Variants in FAAH2 observed in about 807,000 individuals in gnomAD.
FAAH2 encodes the protein fatty acid amide hydrolase 2.
A neutral mutation model predicts 36.9 loss-of-function variants in FAAH2; 60 were observed. The observed-to-expected ratio is 1.63, with a 90% CI of 1.32 to 2.02. The LOEUF (loss-of-function observed/expected upper bound fraction) is 2.02, where lower values mean the gene tolerates loss of function less well. Ranked by LOEUF, FAAH2 falls within the 30% of genes most tolerant of loss-of-function variation. The pLI, the probability that FAAH2 is intolerant of heterozygous loss-of-function variation, is 0.00. For synonymous variants in FAAH2, 214 were observed against 143.8 expected (o/e 1.49, Z -3.49); for missense variants, 689 against 397.5 (o/e 1.73, Z -6.23).
the FAAH2 span, among the ~76,000 whole-genome samples, chrX:57,272,313 C>T: frequency 6.3e-5 from 7 of 110,946 alleles, no homozygotes; most frequent in Admixed American, 9.6e-5. Context: ...GAGAATGGAA[C>T]CAAGTTGGAA....
chrX:57,385,234 C>G (rs771550676), intron 7 of FAAH2, among the ~76,000 whole-genome samples: 2 of 99,058 alleles, frequency 2.0e-5, no homozygotes, highest in African/African-American at 7.6e-5. Flanking sequence ...ACATATGTAA[C>G]AAACCTGCAT....
Position 57,479,762 on chromosome X carries a change from G to A in FAAH2, c.1424-8995G>A, listed in dbSNP as rs149532754. ...GAGATAATCATGTGGTTTTTGTCTTGGTTCTGTTTATTTATTGATTTTCGT... is the reference window on the plus strand; with the variant it reads ...GAGATAATCATGTGGTTTTTGTCTTAGTTCTGTTTATTTATTGATTTTCGT... On this transcript the variant is annotated intron_variant, in intron 10 of 10. Transcript: ENST00000374900. Among the ~76,000 whole-genome samples the A allele has an allele frequency of 9.6e-3, 1,072 of 111,335 alleles. 5 individuals carry two copies. The highest frequency in any genetic ancestry group is 0.033 in the African/African-American group (1,016 of 30,672).
chrX:57,459,145 G>A (rs1389427834), intron 10 of FAAH2, among the ~76,000 whole-genome samples: 2 of 112,407 alleles, frequency 1.8e-5, no homozygotes, highest in Non-Finnish European at 3.8e-5. Context: ...TTGGTGGGGG[G>A]AGGGGCATCC....
the FAAH2 span, among the ~76,000 whole-genome samples, chrX:57,263,342 C>T: frequency 9.0e-6 from 1 of 111,514 alleles, no homozygotes; most frequent in Non-Finnish European, 1.9e-5. Flanking sequence ...TACAATACCA[C>T]TTAGAGTCAC....
At chrX:57,285,568 G>A (rs2051798009), upstream of FAAH2, among the ~76,000 whole-genome samples, 1 of 112,230 alleles carries the variant, frequency 8.9e-6, no homozygotes, top group East Asian at 2.8e-4. Flanking sequence ...CCAGTTGTAA[G>A]TTCAGGGAAG....
the FAAH2 span, among the ~76,000 whole-genome samples, chrX:57,199,422 T>C: frequency 5.4e-5 from 6 of 111,480 alleles, no homozygotes; most frequent in East Asian, 1.7e-3. Flanking sequence ...TTTTTAGCTT[T>C]ATCCCATTGT....
intron 5 of FAAH2, among the ~76,000 whole-genome samples, chrX:57,377,949 G>T (rs1042835411): frequency 9.0e-6 from 1 of 111,323 alleles, no homozygotes; most frequent in African/African-American, 3.3e-5. Flanking sequence ...TCTATTATTG[G>T]TATATTGGAA....
chrX:57,216,594 A>T, the FAAH2 span, among the ~76,000 whole-genome samples: 1 of 45,451 alleles, frequency 2.2e-5, no homozygotes, highest in Non-Finnish European at 3.9e-5. Flanking sequence ...ATATGTATAT[A>T]TATGTATATA....
At chrX:57,314,146 G>A (rs1215478823) in intron 3 of FAAH2, among the ~76,000 whole-genome samples, 1 of 111,414 alleles carries the variant, frequency 9.0e-6, no homozygotes, top group Admixed American at 9.5e-5. Context: ...ACAAAGAAGG[G>A]CATTATATAA....
intron 2 of FAAH2, among the ~76,000 whole-genome samples, chrX:57,309,275 A>G: frequency 9.0e-6 from 1 of 111,600 alleles, no homozygotes; most frequent in Non-Finnish European, 1.9e-5. Flanking sequence ...AACAACAAAA[A>G]ATTACCTATA....
the FAAH2 span, among the ~76,000 whole-genome samples, chrX:57,264,581 G>C: frequency 6.2e-5 from 7 of 112,652 alleles, no homozygotes; most frequent in East Asian, 2.0e-3. Context: ...TACACTGGTG[G>C]AGGTAGTGTA....
At chrX:57,187,996 C>G in the FAAH2 span, among the ~76,000 whole-genome samples, 1 of 111,369 alleles carries the variant, frequency 9.0e-6, no homozygotes, top group Non-Finnish European at 1.9e-5. Context: ...GCATCAGTGC[C>G]CAACAGGGAT....
chrX:57,478,531 C>T (rs146550422), intron 10 of FAAH2, among the ~76,000 whole-genome samples: 5 of 111,529 alleles, frequency 4.5e-5, no homozygotes, highest in Non-Finnish European at 7.5e-5. Context: ...GTTGTAATTG[C>T]TTTTGGTGTT....
chrX:57,447,066 C>T (rs902612867), intron 9 of FAAH2, 27 bp downstream of exon 9: 14 of 1,036,005 alleles, frequency 1.4e-5, no homozygotes, highest in African/African-American at 5.7e-5. Context: ...CTACCTAGAC[C>T]AGTTTGATGT....
intron 6 of FAAH2, among the ~76,000 whole-genome samples, chrX:57,379,785 C>A (rs1357792378): frequency 2.9e-5 from 3 of 102,059 alleles, no homozygotes; most frequent in African/African-American, 1.0e-4. Context: ...GTTTTTACCA[C>A]CAAAATTATT....
At chrX:57,261,975 G>A in the FAAH2 span, among the ~76,000 whole-genome samples, 1 of 102,965 alleles carries the variant, frequency 9.7e-6, no homozygotes, top group African/African-American at 3.9e-5. Flanking sequence ...GAAGAATTAA[G>A]TATGACATCT....
At chrX:57,124,991 T>G in the FAAH2 span, among the ~76,000 whole-genome samples, 3 of 112,383 alleles carry the variant, frequency 2.7e-5, no homozygotes, top group African/African-American at 9.7e-5. Context: ...TTGAATACAC[T>G]TCATTTCTTT....
intron 10 of FAAH2, among the ~76,000 whole-genome samples, chrX:57,488,011 C>T (rs1228186481): frequency 9.0e-6 from 1 of 111,082 alleles, no homozygotes; most frequent in Non-Finnish European, 1.9e-5. Context: ...TGGAAGAAAT[C>T]AGACAAAAAA....
At position 57,454,073 on chromosome X, in the gene FAAH2, C is replaced by T. The variant is rs776623006; in HGVS notation, c.1423+5355C>T. ...AGGTGAGCGAGTCACCTCTCTCCCC[C>T]ACACCACAGAGGACTACTGTCATCT... On this transcript the variant is annotated intron_variant, in intron 10 of 10. Transcript: ENST00000374900. Among the ~76,000 whole-genome samples the T allele has an allele frequency of 2.7e-5, 3 of 110,729 alleles. No homozygotes were observed. In the South Asian group the frequency reaches 1.2e-3, roughly 43 times the overall value.
Sources: gnomAD v4.1 joint callset for allele counts (sites outside exome capture counted in the v4.1 genomes callset) on GRCh38, gnomAD v4.1.1 for gene constraint, MANE v1.5 for transcripts, NCBI Gene and HGNC (gene_info 2026-07-23, HGNC 2026-07-21) for gene names.